The following CPQ variants were observed in gnomAD, a reference collection of about 807,000 sequenced individuals.
The protein encoded by CPQ is carboxypeptidase Q.
A neutral mutation model predicts 45.7 loss-of-function variants in CPQ; 37 were observed. That is an observed-to-expected ratio of 0.81 (90% CI 0.62 to 1.07). The LOEUF (loss-of-function observed/expected upper bound fraction) is 1.07, where lower values mean the gene tolerates loss of function less well. CPQ is among the 50% of genes least tolerant of loss of function. The pLI is 0.00. For synonymous variants in CPQ, 186 were observed against 205.8 expected (o/e 0.90, Z 0.82); for missense variants, 537 against 572.9 (o/e 0.94, Z 0.64).
At chr8:97,126,076 A>T (rs1233991706) in intron 7 of CPQ, among the ~76,000 whole-genome samples, 1 of 152,184 alleles carries the variant, frequency 6.6e-6, no homozygotes, top group Non-Finnish European at 1.5e-5. Flanking sequence ...CAGGGAGGTA[A>T]AGGAAGACAA....
chr8:97,008,718 G>A (rs1221498627), intron 5 of CPQ, among the ~76,000 whole-genome samples: 1 of 152,144 alleles, frequency 6.6e-6, no homozygotes, highest in Non-Finnish European at 1.5e-5. Context: ...ACCTCTCTAA[G>A]CCTCAGCTTC....
chr8:97,098,741 A>G (rs1371209694), intron 7 of CPQ, among the ~76,000 whole-genome samples: 1 of 152,134 alleles, frequency 6.6e-6, no homozygotes, highest in Non-Finnish European at 1.5e-5. Flanking sequence ...TCTGTTCTCC[A>G]GTATTGAGAA....
Position 96,784,911 on chromosome 8 carries a change from T to A in CPQ, c.14T>A (p.Ile5Asn). Residue 5 changes from isoleucine to asparagine, a missense_variant, in exon 2 of 8, where the codon ATC (isoleucine) becomes AAC (asparagine). Physicochemically the swap from Ile to Asn is moderately radical, Grantham distance 149. Coordinates refer to ENST00000220763, the MANE Select transcript of CPQ (RefSeq NM_016134.4). ...CTGGAAAAAAAAATGAAATTCCTTA[T>A]CTTCGCATTTTTCGGTGGTGTTCAC... MKFL[I>N]FAFFGGVHLL... 6.3e-7 allele frequency: 1 copy of A among 1,599,220 alleles called. No homozygotes were observed. Among genetic ancestry groups the A allele is most frequent in the Non-Finnish European group, 8.5e-7 (1 of 1,174,000 alleles).
intron 7 of CPQ, among the ~76,000 whole-genome samples, chr8:97,120,733 A>G (rs1811687570): frequency 6.6e-6 from 1 of 152,226 alleles, no homozygotes. Context: ...ATTGACAGGG[A>G]GAGACAGGAC....
At chr8:97,008,033 G>A (rs1809416917) in intron 5 of CPQ, among the ~76,000 whole-genome samples, 1 of 152,160 alleles carries the variant, frequency 6.6e-6, no homozygotes, top group Non-Finnish European at 1.5e-5. Flanking sequence ...ACTGTACAGA[G>A]CCCTTGAACA....
Position 96,645,310 on chromosome 8 carries a change from A to C in CPQ, c.-127A>C, listed in dbSNP as rs1815504064. The C allele has an allele frequency of 6.6e-6, 1 of 152,402 alleles. No homozygotes were observed. Among genetic ancestry groups the C allele is most frequent in the Non-Finnish European group, 1.5e-5 (1 of 68,206 alleles). The allele number at this position is 152,402 out of a possible 1,614,324, so 9.4% of individuals were successfully genotyped here. A position where few individuals can be genotyped will look rare whatever the true frequency, so the allele number is the denominator to read the frequency against. ...GGGGCGGCGCGGAGGGCCCCAGCCC[A>C]GTCAGGGGTGTGGCCGCCGCCACCG... On this transcript the variant is annotated 5_prime_UTR_variant, in exon 1 of 8. Coordinates refer to ENST00000220763, the MANE Select transcript of CPQ (RefSeq NM_016134.4).
At chr8:96,696,094 T>A (rs1280483266) in intron 1 of CPQ, among the ~76,000 whole-genome samples, 3 of 151,910 alleles carry the variant, frequency 2.0e-5, no homozygotes, top group African/African-American at 7.3e-5. Flanking sequence ...ATATACATCA[T>A]GGAATACTAT....
intron 3 of CPQ, among the ~76,000 whole-genome samples, chr8:96,869,591 G>A (rs1201591719): frequency 6.6e-6 from 1 of 152,062 alleles, no homozygotes; most frequent in African/African-American, 2.4e-5. Context: ...TCCCTGTTGA[G>A]ATCACACTTT....
chr8:96,716,966 T>C (rs2130758592), intron 1 of CPQ, among the ~76,000 whole-genome samples: 1 of 145,516 alleles, frequency 6.9e-6, no homozygotes, highest in South Asian at 2.2e-4. Flanking sequence ...TCCATCCATG[T>C]TGCTGTGAAT....
At chr8:96,663,945 A>T (rs1563695521) in intron 1 of CPQ, among the ~76,000 whole-genome samples, 1 of 151,566 alleles carries the variant, frequency 6.6e-6, no homozygotes, top group Non-Finnish European at 1.5e-5. Flanking sequence ...TTTATAAATT[A>T]AAAAAAAACT....
At chr8:96,783,284 T>TGC (rs1315175473) in intron 1 of CPQ, among the ~76,000 whole-genome samples, 1 of 152,008 alleles carries the variant, frequency 6.6e-6, no homozygotes, top group Non-Finnish European at 1.5e-5. Flanking sequence ...TGTGTGTGTG[T>TGC]GCTGCTTTAA....
intron 1 of CPQ, among the ~76,000 whole-genome samples, chr8:96,673,021 A>G (rs1300667016): frequency 1.3e-5 from 2 of 151,968 alleles, no homozygotes; most frequent in Non-Finnish European, 2.9e-5. Flanking sequence ...AGGAACAGTT[A>G]CTACCAAGGT....
chr8:97,122,165 C>T (rs1184907742), intron 7 of CPQ, among the ~76,000 whole-genome samples: 1 of 152,004 alleles, frequency 6.6e-6, no homozygotes, highest in East Asian at 1.9e-4. Context: ...GTAATAACAA[C>T]TATAAACTGA....
chr8:96,806,895 G>A (rs543966895), intron 2 of CPQ, among the ~76,000 whole-genome samples: 17 of 152,196 alleles, frequency 1.1e-4, no homozygotes, highest in Middle Eastern at 6.8e-3. Context: ...TGGATACCAC[G>A]TTTTCCATGA....
At chr8:96,885,755 G>C (rs1292021613) in intron 4 of CPQ, among the ~76,000 whole-genome samples, 1 of 152,180 alleles carries the variant, frequency 6.6e-6, no homozygotes, top group Admixed American at 6.5e-5. Context: ...CAGGGAGGCC[G>C]AGGCGGGCAG....
chr8:96,903,506 A>G (rs1812538993), intron 4 of CPQ, among the ~76,000 whole-genome samples: 1 of 152,212 alleles, frequency 6.6e-6, no homozygotes, highest in Non-Finnish European at 1.5e-5. Context: ...ATTTTAAGTC[A>G]GATCTATTTA....
At chr8:96,681,380 C>T (rs1809148778) in intron 1 of CPQ, among the ~76,000 whole-genome samples, 1 of 152,192 alleles carries the variant, frequency 6.6e-6, no homozygotes, top group Non-Finnish European at 1.5e-5. Context: ...GGCCAAGGTA[C>T]AGCTTGGGCT....
chr8:97,003,150 T>C (rs2130427628), intron 5 of CPQ, among the ~76,000 whole-genome samples: 1 of 152,302 alleles, frequency 6.6e-6, no homozygotes, highest in East Asian at 1.9e-4. Flanking sequence ...CCTGTGTGTG[T>C]CATTGCATGT....
chr8:96,770,239 A>C (rs1177652446), intron 1 of CPQ, among the ~76,000 whole-genome samples: 1 of 151,964 alleles, frequency 6.6e-6, no homozygotes, highest in South Asian at 2.1e-4. Flanking sequence ...GCAGGTTGTC[A>C]CCTCCACACT....
Sources: gnomAD v4.1 joint callset for allele counts (sites outside exome capture counted in the v4.1 genomes callset) on GRCh38, gnomAD v4.1.1 for gene constraint, MANE v1.5 for transcripts, NCBI Gene and HGNC (gene_info 2026-07-23, HGNC 2026-07-21) for gene names.